PCDHGA2: variants seen among roughly 807,000 people sequenced by gnomAD.
The protein encoded by PCDHGA2 is protocadherin gamma-A2.
In PCDHGA2, 40 loss-of-function variants were observed where a neutral mutation model predicts 59.2. The ratio of observed to expected loss-of-function variants is 0.68; its 90% CI spans 0.52 to 0.88. PCDHGA2 has a LOEUF of 0.88. Ranked by LOEUF, PCDHGA2 falls within the 40% of genes least tolerant of loss-of-function variation. PCDHGA2 has a pLI of 0.00. For missense variants in PCDHGA2, 1,226 were observed against 1,204.0 expected (o/e 1.02, Z -0.27); for synonymous variants, 560 against 526.0 (o/e 1.06, Z -0.89).
intron 1 of PCDHGA2, among the ~76,000 whole-genome samples, chr5:141,452,815 A>G (rs1199990390): frequency 6.6e-6 from 1 of 152,186 alleles, no homozygotes; most frequent in Admixed American, 6.5e-5. Flanking sequence ...TTTGTTCATA[A>G]GAAGCAAAAT....
At chr5:141,422,723 G>T in intron 1 of PCDHGA2, 1 of 1,605,958 alleles carries the variant, frequency 6.2e-7, no homozygotes, top group South Asian at 1.1e-5. Flanking sequence ...ACTGTCCAGG[G>T]GGTGCCTCTG....
chr5:141,444,360 G>A (rs556605314), intron 1 of PCDHGA2, among the ~76,000 whole-genome samples: 1 of 151,652 alleles, frequency 6.6e-6, no homozygotes, highest in South Asian at 2.1e-4. Context: ...TAGTAGAGAC[G>A]GGGTTTCTCC....
At chr5:141,484,287 C>T (rs1432341538) in intron 1 of PCDHGA2, among the ~76,000 whole-genome samples, 1 of 152,268 alleles carries the variant, frequency 6.6e-6, no homozygotes, top group Non-Finnish European at 1.5e-5. Context: ...GAAACATCTC[C>T]CTCTCCTGGC....
intron 1 of PCDHGA2, among the ~76,000 whole-genome samples, chr5:141,347,780 C>T (rs1758016407): frequency 6.7e-6 from 1 of 149,946 alleles, no homozygotes. Flanking sequence ...GAGAGAGACT[C>T]CATCTCAAAA....
chr5:141,357,534 G>T (rs1412443239), intron 1 of PCDHGA2: 1 of 1,614,206 alleles, frequency 6.2e-7, no homozygotes, highest in Non-Finnish European at 8.5e-7. Context: ...ATGCAGACAC[G>T]CTCATCAGCC....
rs1364415249 is a variant in PCDHGA2 at position 141,489,240 on chromosome 5, C to A, written c.2425-5567C>A. The stretch of plus-strand genomic sequence containing the variant: ...ACTCTCCACAAAGGGACTTCTGGGT[C>A]ATGGGGCCCAAGACACTCCCACAGC... On this transcript the variant is annotated intron_variant, in intron 1 of 3. Coordinates refer to ENST00000394576, the MANE Select transcript of PCDHGA2 (RefSeq NM_018915.4). The surrounding 1 kb of genome is among the most constrained non-coding windows in gnomAD (Gnocchi z 4.5). 1 of 1,534,136 alleles carries A rather than the reference C, an allele frequency of 6.5e-7. No individual in the cohort carries two copies. Among genetic ancestry groups the A allele is most frequent in the South Asian group, 1.3e-5 (1 of 76,896 alleles).
At chr5:141,427,426 C>G (rs569185252) in intron 1 of PCDHGA2, 1 of 469,896 alleles carries the variant, frequency 2.1e-6, no homozygotes, top group Admixed American at 2.3e-5. Flanking sequence ...GGGGAGGTTA[C>G]ATGCCTCATA....
chr5:141,413,559 T>A, intron 1 of PCDHGA2: 1 of 1,613,862 alleles, frequency 6.2e-7, no homozygotes. Flanking sequence ...TAGAAGTAAC[T>A]GATATCAATG....
At chr5:141,501,103 G>A (rs1449600108) in intron 2 of PCDHGA2, among the ~76,000 whole-genome samples, 9 of 152,078 alleles carry the variant, frequency 5.9e-5, no homozygotes, top group African/African-American at 1.4e-4. Context: ...TCTTGACCTC[G>A]TGATCCGCCT....
intron 1 of PCDHGA2, among the ~76,000 whole-genome samples, chr5:141,433,680 A>G (rs570459317): frequency 1.3e-5 from 2 of 152,236 alleles, no homozygotes; most frequent in African/African-American, 4.8e-5. Context: ...TACTAAAAAA[A>G]TACAAAATTA....
At position 141,399,286 on chromosome 5, in the gene PCDHGA2, C is replaced by T; in HGVS notation, c.2424+57891C>T. 3.1e-6 allele frequency: 5 copies of T among 1,613,858 alleles called. No individual in the cohort carries two copies. In the South Asian group the frequency reaches 5.5e-5, roughly 18 times the overall value. ...TAATTGTCAATTACAAGGCGAAGTCCCTTTTAAGATTATCTCTTCATCCAA... is the reference window on the plus strand; with the variant it reads ...TAATTGTCAATTACAAGGCGAAGTCTCTTTTAAGATTATCTCTTCATCCAA... On this transcript the variant is annotated intron_variant, in intron 1 of 3. Transcript: ENST00000394576.
chr5:141,468,981 A>G (rs1209945826), intron 1 of PCDHGA2, among the ~76,000 whole-genome samples: 4 of 151,852 alleles, frequency 2.6e-5, no homozygotes, highest in East Asian at 1.9e-4. Context: ...TTTGACTTCC[A>G]AAATTATTGT....
At chr5:141,389,463 GA>G in intron 1 of PCDHGA2, 1 of 1,613,310 alleles carries the variant, frequency 6.2e-7, no homozygotes, top group Non-Finnish European at 8.5e-7. Context: ...GCGCGCCTTC[GA>G]ACTCACACTG....
Position 141,491,536 on chromosome 5 carries a change from C to T in PCDHGA2, c.2425-3271C>T, listed in dbSNP as rs746800813. 1.2e-6 allele frequency: 2 copies of T among 1,614,006 alleles called. No individual in the cohort carries two copies. Among genetic ancestry groups the T allele is most frequent in the Admixed American group, 3.3e-5 (2 of 60,030 alleles). On this transcript the variant is annotated intron_variant, in intron 1 of 3. Coordinates refer to ENST00000394576, the MANE Select transcript of PCDHGA2 (RefSeq NM_018915.4). This position sits in a 1 kb window ranked among gnomAD's most constrained non-coding sequence, Gnocchi z 6.9. ...CAAGTACATGGAGGTGACGCTGCGG[C>T]CCACAGACTCGCAGAGCCACTGCTA...
At chr5:141,420,108 A>G (rs780657975) in intron 1 of PCDHGA2, 1 of 1,614,030 alleles carries the variant, frequency 6.2e-7, no homozygotes, top group Non-Finnish European at 8.5e-7. Flanking sequence ...ACGTTGCCCT[A>G]TGCCTATAAT....
At chr5:141,444,507 G>C (rs1213059531) in intron 1 of PCDHGA2, among the ~76,000 whole-genome samples, 1 of 152,068 alleles carries the variant, frequency 6.6e-6, no homozygotes, top group Non-Finnish European at 1.5e-5. Context: ...CTTTGCTCTA[G>C]CAGTATAGTA....
Position 141,476,208 on chromosome 5 carries a change from C to T in PCDHGA2, c.2425-18599C>T, listed in dbSNP as rs1266601125. The T allele has an allele frequency of 6.2e-7, 1 of 1,613,794 alleles. No homozygotes were observed. ...CTTGGTGCCTTGAACAAGGCTTCCA[C>T]GGTCATTCACTATGAGATCCCGGAG... On this transcript the variant is annotated intron_variant, in intron 1 of 3. Coordinates refer to ENST00000394576, the MANE Select transcript of PCDHGA2 (RefSeq NM_018915.4). The surrounding 1 kb of genome is among the most constrained non-coding windows in gnomAD (Gnocchi z 7.6).
At chr5:141,423,712 T>C (rs1231796741) in intron 1 of PCDHGA2, 2 of 1,313,518 alleles carry the variant, frequency 1.5e-6, no homozygotes, top group Admixed American at 3.2e-5. Flanking sequence ...CACAAGTCTT[T>C]TAAGGAGATG....
intron 1 of PCDHGA2, among the ~76,000 whole-genome samples, chr5:141,445,156 GT>G (rs1248104914): frequency 6.6e-6 from 1 of 152,018 alleles, no homozygotes; most frequent in Non-Finnish European, 1.5e-5. Flanking sequence ...TTCATTTCTA[GT>G]TTACAGAAAA....
Sources: gnomAD v4.1 joint callset for allele counts (sites outside exome capture counted in the v4.1 genomes callset) on GRCh38, gnomAD v4.1.1 for gene constraint, Gnocchi (gnomAD v3.1) non-coding constraint, MANE v1.5 for transcripts, NCBI Gene and HGNC (gene_info 2026-07-23, HGNC 2026-07-21) for gene names.